Variants in ADAM12 observed in about 807,000 individuals in gnomAD.
ADAM12 encodes the protein disintegrin and metalloproteinase domain-containing protein 12.
ADAM12 carries 70 observed loss-of-function variants against 106.4 expected under a neutral mutation model. The ratio of observed to expected loss-of-function variants is 0.66; its 90% CI spans 0.54 to 0.80. The LOEUF (loss-of-function observed/expected upper bound fraction) is 0.80. Among genes scored for constraint, ADAM12 ranks in the 30% least tolerant of loss-of-function variants. The pLI, the probability that ADAM12 is intolerant of heterozygous loss-of-function variation, is 0.00. For synonymous variants in ADAM12, 420 were observed against 433.5 expected, an observed-to-expected ratio of 0.97 and a Z score of 0.39; for missense variants, 1,010 against 1,171.9, an observed-to-expected ratio of 0.86 and a Z score of 2.02.
At chr10:126,274,035 C>T (rs557750458) in intron 3 of ADAM12, among the ~76,000 whole-genome samples, 2 of 152,248 alleles carry the variant, frequency 1.3e-5, no homozygotes, top group South Asian at 4.1e-4. Context: ...TGAATTGTTT[C>T]TCACCCCACC....
chr10:126,066,642 C>T lies in ADAM12; in HGVS notation c.1413+75G>A. Reference sequence around the variant, plus strand: ...GCTGGGAAACCTTCCAGCCACACTGCTTGCCCTGCATCAGATCTGAACCAC... The same window carrying T: ...GCTGGGAAACCTTCCAGCCACACTGTTTGCCCTGCATCAGATCTGAACCAC... On this transcript the variant is annotated intron_variant, in intron 13 of 22. Transcript: ENST00000448723. The surrounding 1 kb of genome is among the most constrained non-coding windows in gnomAD (Gnocchi z 5.1). 1 of 1,425,756 alleles carries T rather than the reference C, an allele frequency of 7.0e-7. No homozygotes were observed. Among genetic ancestry groups the T allele is most frequent in the Non-Finnish European group, 9.9e-7 (1 of 1,011,264 alleles). 88.3% of individuals were successfully genotyped at this position (1,425,756 alleles called of 1,614,324 possible).
At chr10:126,161,880 C>G (rs1956941976) in intron 3 of ADAM12, among the ~76,000 whole-genome samples, 1 of 152,158 alleles carries the variant, frequency 6.6e-6, no homozygotes, top group African/African-American at 2.4e-5. Context: ...CAAATGAAAA[C>G]AGAAGGTGAA....
chr10:126,269,553 G>A (rs1464307219), intron 3 of ADAM12, among the ~76,000 whole-genome samples: 2 of 152,100 alleles, frequency 1.3e-5, no homozygotes, highest in African/African-American at 2.4e-5. Flanking sequence ...TAACCATCCC[G>A]GTCGCACCAG....
rs763249991 is a variant in ADAM12, at chr10:126,043,589, TCAGA to T, written c.1996-445_1996-442del. ...GATGCTTGGCGCATCCCTGTCTCCT[TCAGA>T]CAGAAGGCTCAGAGAGGCTGGTGAC... On this transcript the variant is annotated intron_variant, in intron 17 of 22. Transcript: ENST00000448723. The surrounding 1 kb of genome is among the most constrained non-coding windows in gnomAD (Gnocchi z 4.1). 1.3e-5 allele frequency among the ~76,000 whole-genome samples: 2 copies of T among 152,172 alleles called. No individual in the cohort carries two copies. The highest frequency in any genetic ancestry group is 2.9e-5 in the Non-Finnish European group (2 of 68,026).
chr10:126,289,786 A>C (rs1031408727), intron 2 of ADAM12, among the ~76,000 whole-genome samples: 5 of 152,242 alleles, frequency 3.3e-5, no homozygotes, highest in Admixed American at 6.5e-5. Flanking sequence ...GTCAGACGGC[A>C]GCTGTGGGCC....
chr10:126,123,484 C>T (rs935482629), intron 5 of ADAM12, among the ~76,000 whole-genome samples: 16 of 152,172 alleles, frequency 1.1e-4, no homozygotes, highest in African/African-American at 2.4e-4. Flanking sequence ...AGGAGGAGGC[C>T]GGCCCAGCCA....
At chr10:126,376,157 G>A (rs928703938) in intron 1 of ADAM12, among the ~76,000 whole-genome samples, 3 of 152,038 alleles carry the variant, frequency 2.0e-5, no homozygotes, top group Non-Finnish European at 4.4e-5. Context: ...TACCCTTTCA[G>A]GTGATTATTC....
At chr10:126,101,952 C>G (rs959572319) in intron 8 of ADAM12, among the ~76,000 whole-genome samples, 6 of 152,262 alleles carry the variant, frequency 3.9e-5, no homozygotes, top group African/African-American at 1.4e-4. Context: ...AAGCATCCGG[C>G]ACACCACTGA....
intron 3 of ADAM12, among the ~76,000 whole-genome samples, chr10:126,239,557 G>A (rs1001109171): frequency 6.6e-6 from 1 of 152,090 alleles, no homozygotes; most frequent in Non-Finnish European, 1.5e-5. Context: ...TGGGTATGGG[G>A]TAACATTTTC....
chr10:126,291,596 C>A (rs565389561), intron 2 of ADAM12, among the ~76,000 whole-genome samples: 2 of 152,160 alleles, frequency 1.3e-5, no homozygotes, highest in South Asian at 4.1e-4. Context: ...GCCTGCCTGG[C>A]TGTGTCTTGA....
intron 14 of ADAM12, among the ~76,000 whole-genome samples, chr10:126,054,418 C>G (rs74158098): frequency 6.6e-6 from 1 of 152,220 alleles, no homozygotes; most frequent in Admixed American, 6.5e-5. Flanking sequence ...ACCTGCTCTG[C>G]GACATCCAAA....
chr10:126,041,630 T>C, intron 18 of ADAM12: 1 of 987,242 alleles, frequency 1.0e-6, no homozygotes, highest in East Asian at 1.1e-4. Context: ...CTCTGATAAA[T>C]TAAAAACTAA....
chr10:126,236,057 C>G (rs570070874), intron 3 of ADAM12, among the ~76,000 whole-genome samples: 1 of 152,116 alleles, frequency 6.6e-6, no homozygotes, highest in Non-Finnish European at 1.5e-5. Context: ...TCTGCCAGGG[C>G]TTTGGGTTCC....
intron 3 of ADAM12, among the ~76,000 whole-genome samples, chr10:126,275,416 T>A (rs1471824515): frequency 6.6e-6 from 1 of 152,158 alleles, no homozygotes; most frequent in Non-Finnish European, 1.5e-5. Flanking sequence ...TCCAATCTTT[T>A]CATAAATTAG....
chr10:126,190,853 T>C (rs1186140196), intron 3 of ADAM12, among the ~76,000 whole-genome samples: 4 of 151,762 alleles, frequency 2.6e-5, no homozygotes, highest in African/African-American at 9.7e-5. Flanking sequence ...GGAATAGAAA[T>C]AAGATAGTGG....
At chr10:126,162,716 T>C (rs983381275) in intron 3 of ADAM12, among the ~76,000 whole-genome samples, 1 of 152,042 alleles carries the variant, frequency 6.6e-6, no homozygotes, top group Non-Finnish European at 1.5e-5. Context: ...GGATGGGAAA[T>C]TCAGGGGGGC....
chr10:126,267,457 C>T (rs1959120599), intron 3 of ADAM12, among the ~76,000 whole-genome samples: 1 of 152,182 alleles, frequency 6.6e-6, no homozygotes, highest in South Asian at 2.1e-4. Flanking sequence ...GCTTTTTCTG[C>T]AACTAGACGA....
chr10:126,036,425 G>T (rs1954061987), intron 20 of ADAM12, 100 bp from the exon 21 acceptor site: 1 of 1,190,132 alleles, frequency 8.4e-7, no homozygotes, highest in Non-Finnish European at 1.1e-6. Context: ...ATAGCTGAAG[G>T]CCAAGGTGGG....
At chr10:126,180,096 T>C (rs914872672) in intron 3 of ADAM12, among the ~76,000 whole-genome samples, 1 of 152,186 alleles carries the variant, frequency 6.6e-6, no homozygotes, top group Non-Finnish European at 1.5e-5. Context: ...GAAATAACAG[T>C]AATTATTTGG....
Sources: gnomAD v4.1 joint callset for allele counts (sites outside exome capture counted in the v4.1 genomes callset) on GRCh38, gnomAD v4.1.1 for gene constraint, Gnocchi (gnomAD v3.1) non-coding constraint, MANE v1.5 for transcripts, NCBI Gene and HGNC (gene_info 2026-07-23, HGNC 2026-07-21) for gene names.